The following PTPRJ variants were observed in gnomAD, a reference collection of about 807,000 sequenced individuals.
PTPRJ encodes receptor-type tyrosine-protein phosphatase eta.
PTPRJ carries 129 observed loss-of-function variants against 141.3 expected under a neutral mutation model. The observed-to-expected ratio is 0.91, with a 90% CI of 0.79 to 1.06. PTPRJ has a LOEUF of 1.06. Among genes scored for constraint, PTPRJ ranks in the 50% least tolerant of loss-of-function variants. PTPRJ has a pLI of 0.00. For missense variants in PTPRJ, 1,601 were observed against 1,679.7 expected (o/e 0.95, Z 0.82); for synonymous variants, 610 against 640.5 (o/e 0.95, Z 0.72).
At chr11:48,054,266 C>T (rs925486218) in intron 1 of PTPRJ, among the ~76,000 whole-genome samples, 6 of 152,164 alleles carry the variant, frequency 3.9e-5, no homozygotes, top group African/African-American at 1.2e-4. Flanking sequence ...CCAAACAAAA[C>T]ATGTCTGGGG....
chr11:48,139,643 T>G lies in PTPRJ; in HGVS notation c.2310T>G (p.Ser770=). The part of the protein sequence containing the change: ...NNATHLESCS[S]ENGTEYRTEV... ...CGACCCACCTGGAGAGCTGCTCCTC[T>G]GAGAATGGCACTGAGTATAGAACGG... Residue 770 remains serine, a synonymous_variant, in exon 11 of 25, where the codon TCT becomes TCG. Transcript: ENST00000418331. 2 of 1,614,220 alleles carry G rather than the reference T, an allele frequency of 1.2e-6. No homozygotes were observed. Among genetic ancestry groups the G allele is most frequent in the Non-Finnish European group, 1.7e-6 (2 of 1,180,026 alleles).
At chr11:48,032,837 T>G (rs757783281) in intron 1 of PTPRJ, among the ~76,000 whole-genome samples, 7 of 152,234 alleles carry the variant, frequency 4.6e-5, no homozygotes, top group African/African-American at 1.2e-4. Flanking sequence ...CAACACAGTT[T>G]GTTCCAAACA....
chr11:48,110,422 C>T (rs1014206504), intron 2 of PTPRJ, among the ~76,000 whole-genome samples: 2 of 152,160 alleles, frequency 1.3e-5, no homozygotes, highest in Admixed American at 1.3e-4. Flanking sequence ...TGGTCTTGAA[C>T]TCCTGACCTC....
intron 1 of PTPRJ, among the ~76,000 whole-genome samples, chr11:48,060,203 G>T (rs1307843613): frequency 1.3e-5 from 2 of 152,098 alleles, no homozygotes; most frequent in Admixed American, 1.3e-4. Flanking sequence ...AGTGATTGGG[G>T]GCTATGGTTA....
intron 1 of PTPRJ, among the ~76,000 whole-genome samples, chr11:48,011,057 A>T (rs911227380): frequency 2.6e-5 from 4 of 152,126 alleles, no homozygotes; most frequent in Middle Eastern, 3.2e-3. Flanking sequence ...GACAGAGGTC[A>T]GTGGTGGTCC....
chr11:47,987,097 A>C (rs1478561173), intron 1 of PTPRJ, among the ~76,000 whole-genome samples: 2 of 152,094 alleles, frequency 1.3e-5, no homozygotes, highest in Non-Finnish European at 2.9e-5. Flanking sequence ...GGTCCCACCT[A>C]CTTGAGAGGC....
intron 1 of PTPRJ, among the ~76,000 whole-genome samples, chr11:48,010,457 G>A (rs915315135): frequency 5.9e-5 from 9 of 151,928 alleles, no homozygotes; most frequent in African/African-American, 1.7e-4. Flanking sequence ...GGGATTACAG[G>A]GTGAACCACT....
rs1052445006 is a variant in PTPRJ at position 48,170,706 on chromosome 11, T to C, written c.*3344T>C. On this transcript the variant is annotated 3_prime_UTR_variant, in exon 25 of 25. Coordinates refer to ENST00000418331, the MANE Select transcript of PTPRJ (RefSeq NM_002843.4). ...TTTTCCTGTAACTATTTTGGAATGA[T>C]GCATATTTCTAATGTTTGTTATACT... 2 of 151,652 alleles carry C rather than the reference T, an allele frequency of 1.3e-5. No individual in the cohort carries two copies. Among genetic ancestry groups the C allele is most frequent in the African/African-American group, 4.8e-5 (2 of 41,308 alleles). 9.4% of individuals were successfully genotyped at this position (151,652 alleles called of 1,614,324 possible). A position where few individuals can be genotyped will look rare whatever the true frequency, so the allele number is the denominator to read the frequency against.
intron 1 of PTPRJ, among the ~76,000 whole-genome samples, chr11:48,074,182 G>C (rs1391563588): frequency 6.6e-6 from 1 of 151,918 alleles, no homozygotes; most frequent in East Asian, 1.9e-4. Flanking sequence ...GTTTCACCAC[G>C]TTGCTCAGGC....
chr11:48,049,393 G>A (rs569788254), intron 1 of PTPRJ, among the ~76,000 whole-genome samples: 1 of 151,930 alleles, frequency 6.6e-6, no homozygotes, highest in East Asian at 1.9e-4. Flanking sequence ...AATTGGTACT[G>A]TTGGCTGGGC....
chr11:48,141,071 G>A (rs1857219457), intron 11 of PTPRJ, among the ~76,000 whole-genome samples: 1 of 152,136 alleles, frequency 6.6e-6, no homozygotes, highest in Non-Finnish European at 1.5e-5. Context: ...GGGCGTGGTG[G>A]CTTATGCCTG....
intron 1 of PTPRJ, among the ~76,000 whole-genome samples, chr11:48,003,918 T>A (rs994396028): frequency 1.1e-4 from 16 of 152,206 alleles, no homozygotes; most frequent in African/African-American, 2.2e-4. Context: ...GATCCTTTTT[T>A]AAAAAATAAT....
At position 48,069,445 on chromosome 11, in the gene PTPRJ, A is replaced by ATTTTTTTTT. The variant is rs35405916; in HGVS notation, c.97-40600_97-40592dup. Among the ~76,000 whole-genome samples the ATTTTTTTTT allele has an allele frequency of 1.6e-5, 2 of 121,322 alleles. 1 individual carries two copies. 79.6% of individuals were successfully genotyped at this position (121,322 alleles called of 152,430 possible). Reference sequence around the variant, plus strand: ...GGCTGTGATAAAAACTACATTGATAATTTTTTTTTTTTTTTTTTTTTGGAG... The same window carrying ATTTTTTTTT: ...GGCTGTGATAAAAACTACATTGATAATTTTTTTTTTTTTTTTTTTTTTTTTTTTTTGGAG... On this transcript the variant is annotated intron_variant, in intron 1 of 24. Coordinates refer to ENST00000418331, the MANE Select transcript of PTPRJ (RefSeq NM_002843.4).
intron 1 of PTPRJ, among the ~76,000 whole-genome samples, chr11:48,072,072 A>G (rs1363974672): frequency 6.6e-6 from 1 of 150,406 alleles, no homozygotes; most frequent in Non-Finnish European, 1.5e-5. Flanking sequence ...TGCCTGGCTA[A>G]TTTTTGTATT....
intron 10 of PTPRJ, among the ~76,000 whole-genome samples, chr11:48,139,202 C>T (rs1201608702): frequency 6.6e-6 from 1 of 152,156 alleles, no homozygotes; most frequent in East Asian, 1.9e-4. Context: ...CAGGATGATA[C>T]AGCTGACTCT....
intron 1 of PTPRJ, among the ~76,000 whole-genome samples, chr11:47,985,731 C>A (rs866262648): frequency 6.6e-6 from 1 of 151,884 alleles, no homozygotes; most frequent in East Asian, 1.9e-4. Flanking sequence ...GACGAAGTCT[C>A]ACTCTGTTGC....
rs1287082877 is a variant in PTPRJ, at chr11:48,155,800, G to A, written c.3230-1G>A. ...GGACCTTTTTTCTTTTAATGTCACA[G>A]ATGATATTTCCCGTGTCAAACTTTC... On this transcript the variant is annotated splice_acceptor_variant, in intron 19 of 24. Coordinates refer to ENST00000418331, the MANE Select transcript of PTPRJ (RefSeq NM_002843.4). LOFTEE classifies it high-confidence loss of function. 1.3e-6 allele frequency: 2 copies of A among 1,590,976 alleles called. No individual in the cohort carries two copies. The highest frequency in any genetic ancestry group is 3.4e-5 in the Admixed American group (2 of 59,130).
chr11:48,071,919 T>A (rs867503873), intron 1 of PTPRJ, among the ~76,000 whole-genome samples: 3,041 of 141,924 alleles, frequency 0.021, 107 homozygotes, highest in African/African-American at 0.076. Context: ...TTTTTTTTTT[T>A]TTTTGAGACA....
intron 1 of PTPRJ, among the ~76,000 whole-genome samples, chr11:48,059,109 C>CTTTTTTTTTTTTTTTTTTTTTTTTTTT (rs1437506736): frequency 1.6e-5 from 2 of 125,932 alleles, no homozygotes; most frequent in African/African-American, 3.5e-5. Flanking sequence ...CTGTGCTGTG[C>CTTTTTTTTTTTTTTTTTTTTTTTTTTT]CTTTTTTTTT....
Sources: allele counts gnomAD v4.1 joint callset (sites outside exome capture counted in the v4.1 genomes callset), GRCh38; gene constraint gnomAD v4.1.1; transcripts MANE v1.5; gene names NCBI Gene and HGNC (gene_info 2026-07-23, HGNC 2026-07-21).